The following ECE1 variants were observed in gnomAD, a reference collection of about 807,000 sequenced individuals.
ECE1 encodes the protein endothelin-converting enzyme 1.
Under a neutral mutation model 98.6 loss-of-function variants are expected in ECE1, and 35 were observed. The observed-to-expected ratio is 0.35, with a 90% CI of 0.27 to 0.47. The LOEUF is 0.47. ECE1 is among the 20% of genes least tolerant of loss of function. The probability of loss-of-function intolerance (pLI) is 1.00; values close to 1 mark genes in which losing one functional copy is unlikely to be tolerated. For missense variants in ECE1, 814 were observed against 1,025.3 expected, an observed-to-expected ratio of 0.79 and a Z score of 2.81; for synonymous variants, 394 against 407.1, an observed-to-expected ratio of 0.97 and a Z score of 0.39.
At chr1:21,253,241 G>A (rs887084615) in intron 8 of ECE1, among the ~76,000 whole-genome samples, 12 of 151,822 alleles carry the variant, frequency 7.9e-5, no homozygotes, top group Admixed American at 1.3e-4. Context: ...ATTTTTAGTA[G>A]AGACGGGGTT....
chr1:21,331,234 C>T (rs1639194265), intron 1 of ECE1, among the ~76,000 whole-genome samples: 1 of 152,058 alleles, frequency 6.6e-6, no homozygotes. Context: ...GAAACCCCAT[C>T]TCTACTAAAA....
At chr1:21,313,630 G>A (rs149184580) in intron 1 of ECE1, among the ~76,000 whole-genome samples, 39 of 152,304 alleles carry the variant, frequency 2.6e-4, no homozygotes, top group Non-Finnish European at 5.1e-4. Flanking sequence ...CTCAACCTTG[G>A]AGTGGAAAGA....
At chr1:21,242,727 C>G (rs1359377662) in intron 10 of ECE1, among the ~76,000 whole-genome samples, 1 of 152,220 alleles carries the variant, frequency 6.6e-6, no homozygotes, top group Non-Finnish European at 1.5e-5. Context: ...TCAAGCAGCA[C>G]CCTGTGCTTT....
At position 21,322,077 on chromosome 1, in the gene ECE1, CCTCTGCCTGAAGCTCCCTCA is replaced by C. The variant is rs1638977492; in HGVS notation, c.3+23279_3+23298del. ...TTTGGTCTGGTCTTGTCTCCCTCCTCCTCTGCCTGAAGCTCCCTCACTGCTGCCCCACCTGGCTCATGTCA... is the reference window on the plus strand; with the variant it reads ...TTTGGTCTGGTCTTGTCTCCCTCCTCCTGCTGCCCCACCTGGCTCATGTCA... On this transcript the variant is annotated intron_variant, in intron 1 of 18. Transcript: ENST00000415912. This position sits in a 1 kb window ranked among gnomAD's most constrained non-coding sequence, Gnocchi z 4.1. Among the ~76,000 whole-genome samples, 1 of 152,206 alleles carries C rather than the reference CCTCTGCCTGAAGCTCCCTCA, an allele frequency of 6.6e-6. No homozygotes were observed. The highest frequency in any genetic ancestry group is 2.4e-5 in the African/African-American group (1 of 41,438).
chr1:21,325,775 C>G lies in ECE1; in HGVS notation c.3+19601G>C, dbSNP rs142174134. On this transcript the variant is annotated intron_variant, in intron 1 of 18. Transcript: ENST00000415912. ...CTCAATAAATTGTGGTTCCCACCTC[C>G]TGCTCCACGGAGCAGACATGAAACA... Among the ~76,000 whole-genome samples, 657 of 152,368 alleles carry G rather than the reference C, an allele frequency of 4.3e-3. 12 individuals are homozygous for G. The highest frequency in any genetic ancestry group is 0.014 in the South Asian group (66 of 4,828).
intron 2 of ECE1, among the ~76,000 whole-genome samples, chr1:21,282,782 A>G (rs2098256304): frequency 6.6e-6 from 1 of 151,846 alleles, no homozygotes; most frequent in Non-Finnish European, 1.5e-5. Flanking sequence ...CTGCGGAGAG[A>G]AGGGAGAGAA....
Position 21,235,876 on chromosome 1 carries a change from T to C in ECE1, c.1540A>G (p.Lys514Glu), listed in dbSNP as rs767988698. ...IGYPNFIMDP[K>E]ELDKVFNDYT... ...TCATTAAACACTTTGTCCAGCTCCT[T>C]GGGATCCATGATGAAGTTGGGGTAT... Residue 514 changes from lysine to glutamate, a missense_variant, in exon 13 of 19, where the codon AAG (lysine) becomes GAG (glutamate). Physicochemically the swap from Lys to Glu is moderately conservative, Grantham distance 56. Transcript: ENST00000374893. The surrounding 1 kb of genome is among the most constrained non-coding windows in gnomAD (Gnocchi z 4.2). 18 of 1,614,058 alleles carry C rather than the reference T, an allele frequency of 1.1e-5. No homozygotes were observed. In the Admixed American group the frequency reaches 3.0e-4, roughly 27 times the overall value.
upstream of ECE1, chr1:21,294,448 C>G (rs1638298095): frequency 6.6e-6 from 1 of 152,574 alleles, no homozygotes; most frequent in African/African-American, 2.4e-5. The surrounding 1 kb of genome is among the most constrained non-coding windows in gnomAD (Gnocchi z 4.2). Context: ...AAGAGGAGGG[C>G]CTGGCAGAAA....
intron 1 of ECE1, chr1:21,298,495 T>C (rs1569698990): frequency 3.1e-6 from 1 of 327,390 alleles, no homozygotes; most frequent in East Asian, 7.5e-5. Context: ...GAGATGATCA[T>C]GGTGCCGACC....
rs113537622 is a variant in ECE1 at position 21,223,904 on chromosome 1, T to G, written c.2040+1346A>C. Among the ~76,000 whole-genome samples, 246 of 152,310 alleles carry G rather than the reference T, an allele frequency of 1.6e-3. 1 individual carries two copies. The highest frequency in any genetic ancestry group is 5.7e-3 in the African/African-American group (236 of 41,576). ...TGAGCCACTGCGCCCGGCTGACCCC[T>G]GTTTTAAAGGGTAGGTTGAATCATG... On this transcript the variant is annotated intron_variant, in intron 17 of 18. Coordinates refer to ENST00000374893, the MANE Select transcript of ECE1 (RefSeq NM_001397.3).
chr1:21,277,557 C>T (rs1382689312), intron 3 of ECE1, among the ~76,000 whole-genome samples: 1 of 152,058 alleles, frequency 6.6e-6, no homozygotes, highest in Admixed American at 6.5e-5. Context: ...GTCCTGTTAG[C>T]AGAGGAGGCA....
In ECE1 at chr1:21,316,426, A is replaced by G. The variant is rs990336619; in HGVS notation, c.4-26270T>C. Among the ~76,000 whole-genome samples, 13 of 150,958 alleles carry G rather than the reference A, an allele frequency of 8.6e-5. No homozygotes were observed. The East Asian group carries it at 2.3e-3, about 27-fold the overall frequency. ...TGGGGTTACAGGCGTGCGCCACCAC[A>G]CTGAGCTAATTTTTGTATTTTTTTT... is the stretch of plus-strand genomic sequence containing the variant. On this transcript the variant is annotated intron_variant, in intron 1 of 18. Transcript: ENST00000415912.
chr1:21,298,299 G>A (rs1166537636), intron 1 of ECE1: 1 of 173,344 alleles, frequency 5.8e-6, no homozygotes, highest in Admixed American at 5.5e-5. Context: ...TCAGCTTAAC[G>A]CGCTTTCCTC....
intron 1 of ECE1, among the ~76,000 whole-genome samples, chr1:21,318,340 G>A (rs1335758347): frequency 6.6e-6 from 1 of 152,122 alleles, no homozygotes; most frequent in Non-Finnish European, 1.5e-5. Flanking sequence ...CAGCAGAGTG[G>A]GAGCAGCTGT....
At chr1:21,255,599 C>T (rs1438270967) in intron 8 of ECE1, among the ~76,000 whole-genome samples, 2 of 152,184 alleles carry the variant, frequency 1.3e-5, no homozygotes, top group Non-Finnish European at 2.9e-5. Context: ...CTCACTGTAA[C>T]CAAGTTCGAT....
In ECE1 at chr1:21,307,056, A is replaced by T. The variant is rs139541656; in HGVS notation, c.4-16900T>A. Among the ~76,000 whole-genome samples the T allele has an allele frequency of 3.0e-4, 45 of 152,226 alleles. No homozygotes were observed. In the East Asian group the frequency reaches 8.3e-3, roughly 28 times the overall value. On this transcript the variant is annotated intron_variant, in intron 1 of 18. Transcript: ENST00000415912. This position sits in a 1 kb window ranked among gnomAD's most constrained non-coding sequence, Gnocchi z 4.2. ...GACTGAGCCAACTCTTGGGCTTAGG[A>T]TGACTGAGGTCCACCGAGGACTCCC...
At chr1:21,269,174 G>C (rs1021609927) in intron 4 of ECE1, among the ~76,000 whole-genome samples, 2 of 152,198 alleles carry the variant, frequency 1.3e-5, no homozygotes, top group Non-Finnish European at 2.9e-5. Context: ...AGAGTGAGTA[G>C]AGAAAGAATA....
At position 21,221,784 on chromosome 1, in the gene ECE1, A is replaced by C; in HGVS notation, c.2099T>G (p.Leu700Arg). 6.2e-7 allele frequency: 1 copy of C among 1,614,236 alleles called. No homozygotes were observed. The highest frequency in any genetic ancestry group is 8.5e-7 in the Non-Finnish European group (1 of 1,180,046). ...GAEHSLPTLG[L>R]TNNQLFFLGF... ...CAGGAAGAAGAGCTGGTTATTGGTGAGGCCCAGGGTGGGGAGCGAGTGCTC... is the reference window on the plus strand; with the variant it reads ...CAGGAAGAAGAGCTGGTTATTGGTGCGGCCCAGGGTGGGGAGCGAGTGCTC... The change falls in exon 18 of 19, where the codon CTC (leucine) becomes CGC (arginine). Residue 700 changes from leucine to arginine, a missense_variant. By Grantham distance (102) the Leu-to-Arg change is moderately radical. This residue lies in a region of ECE1 where 452 missense variants were observed against 567.3 expected (regional missense o/e 0.80). Coordinates refer to ENST00000374893, the MANE Select transcript of ECE1 (RefSeq NM_001397.3).
chr1:21,278,463 C>A (rs895941411), intron 3 of ECE1, among the ~76,000 whole-genome samples: 1 of 152,204 alleles, frequency 6.6e-6, no homozygotes, highest in Non-Finnish European at 1.5e-5. Flanking sequence ...GGGTGTAATG[C>A]GCTCTGGAGC....
Sources: allele counts gnomAD v4.1 joint callset (sites outside exome capture counted in the v4.1 genomes callset), GRCh38; gene constraint gnomAD v4.1.1; regional missense constraint gnomAD v4.1.1; non-coding constraint Gnocchi (gnomAD v3.1); transcripts MANE v1.5; gene names NCBI Gene and HGNC (gene_info 2026-07-23, HGNC 2026-07-21).